GTF2H2: variants seen among roughly 807,000 people sequenced by gnomAD.
The protein encoded by GTF2H2 is general transcription factor IIH subunit 2, also known as TFIIH basal transcription factor complex p44 subunit.
Under a neutral mutation model 16.5 loss-of-function variants are expected in GTF2H2, and 2 were observed. That is an observed-to-expected ratio of 0.12 (90% confidence interval 0.05 to 0.38). The LOEUF is 0.38. Among genes scored for constraint, GTF2H2 ranks in the 10% least tolerant of loss-of-function variants. The probability of loss-of-function intolerance (pLI) is 0.99; values close to 1 mark genes in which losing one functional copy is unlikely to be tolerated. For missense variants in GTF2H2, 20 were observed against 137.0 expected, an observed-to-expected ratio of 0.15 and a Z score of 4.26; for synonymous variants, 8 against 44.1, an observed-to-expected ratio of 0.18 and a Z score of 3.24.
chr5:71,052,192 GA>G (rs1332157077), intron 8 of GTF2H2, among the ~76,000 whole-genome samples: 1 of 141,892 alleles, frequency 7.0e-6, no homozygotes, highest in Non-Finnish European at 1.5e-5. Context: ...TTTTGAGACG[GA>G]GTCTCACAGT....
intron 8 of GTF2H2, among the ~76,000 whole-genome samples, chr5:71,052,170 T>G (rs1294702301): frequency 7.0e-6 from 1 of 143,022 alleles, no homozygotes; most frequent in Non-Finnish European, 1.5e-5. Flanking sequence ...TCTTGCACTT[T>G]TTTTTTCTTT....
At chr5:71,052,912 C>G in intron 8 of GTF2H2, among the ~76,000 whole-genome samples, 1 of 63,250 alleles carries the variant, frequency 1.6e-5, no homozygotes, top group African/African-American at 6.9e-5. Flanking sequence ...CTGTGCCTGG[C>G]TAATTTTTTT....
At chr5:71,054,760 T>A (rs1390691942) in intron 8 of GTF2H2, among the ~76,000 whole-genome samples, 4 of 135,816 alleles carry the variant, frequency 2.9e-5, no homozygotes, top group Admixed American at 1.5e-4. Context: ...TGTATATATA[T>A]AATAGATATA....
intron 7 of GTF2H2, chr5:71,057,917 T>C (rs2150200423): frequency 1.0e-5 from 1 of 96,980 alleles, no homozygotes; most frequent in Middle Eastern, 4.0e-3. Flanking sequence ...CTAACATCCA[T>C]AGAAAACTGC....
chr5:71,052,242 A>G lies in GTF2H2; in HGVS notation c.471-3084T>C, dbSNP rs1273157778. On this transcript the variant is annotated intron_variant, in intron 8 of 15. Coordinates refer to ENST00000274400, the Ensembl canonical transcript of GTF2H2. Reference sequence around the variant, plus strand: ...AAGTGCAATGGCGCGATCTCGGCTCACTGCAACCTCTGCCTCCTGGGTTCA... The same window carrying G: ...AAGTGCAATGGCGCGATCTCGGCTCGCTGCAACCTCTGCCTCCTGGGTTCA... Among the ~76,000 whole-genome samples, 74 of 136,872 alleles carry G rather than the reference A, an allele frequency of 5.4e-4. 1 individual carries two copies. Among genetic ancestry groups the G allele is most frequent in the African/African-American group, 2.0e-3 (68 of 34,404 alleles). The allele number at this position is 136,872 out of a possible 152,430, so 89.8% of individuals were successfully genotyped here.
At chr5:71,047,307 CAG>C (rs1752455818) in intron 11 of GTF2H2, 1 of 140,812 alleles carries the variant, frequency 7.1e-6, no homozygotes, top group Non-Finnish European at 1.6e-5. Flanking sequence ...TTAGTAGAGA[CAG>C]GGTTTCGCCA....
intron 15 of GTF2H2, among the ~76,000 whole-genome samples, chr5:71,036,044 G>A (rs1325443100): frequency 1.7e-5 from 1 of 60,498 alleles, no homozygotes; most frequent in Non-Finnish European, 3.0e-5. Context: ...ATTACAGTTC[G>A]CTCTCAATCA....
rs546823061 is a variant in GTF2H2, at chr5:71,046,003, T to C, written c.758-496A>G. 1.3e-4 allele frequency among the ~76,000 whole-genome samples: 19 copies of C among 145,318 alleles called. No individual in the cohort carries two copies. In the East Asian group the frequency reaches 2.6e-3, roughly 20 times the overall value. On this transcript the variant is annotated intron_variant, in intron 11 of 15. Transcript: ENST00000274400. ...ATTTCTGATAAAACTGAAGATATCA[T>C]AGTACACCATTTTATCTACGTTTAT...
At chr5:71,044,308 G>A (rs1752179188) in intron 12 of GTF2H2, among the ~76,000 whole-genome samples, 3 of 37,278 alleles carry the variant, frequency 8.0e-5, no homozygotes, top group South Asian at 1.7e-3. Flanking sequence ...GCTGATCAAC[G>A]CTCAGCTGCT....
intron 14 of GTF2H2, among the ~76,000 whole-genome samples, chr5:71,039,711 G>T: frequency 7.7e-6 from 1 of 129,542 alleles, no homozygotes; most frequent in Non-Finnish European, 1.6e-5. Flanking sequence ...TATAGTACTG[G>T]GTTTTTCATT....
At chr5:71,052,915 A>ATTTTTTTT (rs1241503525) in intron 8 of GTF2H2, among the ~76,000 whole-genome samples, 10 of 44,052 alleles carry the variant, frequency 2.3e-4, no homozygotes, top group Non-Finnish European at 3.3e-4. Flanking sequence ...TGCCTGGCTA[A>ATTTTTTTT]TTTTTTTTTT....
intron 8 of GTF2H2, 51 bp downstream of exon 8, chr5:71,055,301 A>G (rs766186177): frequency 9.3e-6 from 14 of 1,513,486 alleles, no homozygotes; most frequent in Non-Finnish European, 1.3e-5. Flanking sequence ...ACTTCAGCTT[A>G]ACTCATTTAA....
chr5:71,061,430 C>T (rs1753625325), intron 3 of GTF2H2, 122 bp from the exon 4 acceptor site: 6 of 772,172 alleles, frequency 7.8e-6, no homozygotes, highest in Admixed American at 3.3e-5. Context: ...GTAAGAATGT[C>T]ATAACGTGCA....
In GTF2H2 at chr5:71,047,979, ATT is replaced by A; in HGVS notation, c.757+25_757+26del. On this transcript the variant is annotated intron_variant, in intron 11 of 15. Coordinates refer to ENST00000274400, the Ensembl canonical transcript of GTF2H2. ...ATGAAAATGGAGAGCCTAGATATGT[ATT>A]TTTTAAAAACATAAAAACACTTACC... The A allele has an allele frequency of 2.3e-6, 2 of 863,856 alleles. 1 individual carries two copies. Among genetic ancestry groups the A allele is most frequent in the Non-Finnish European group, 3.1e-6 (2 of 652,222 alleles). 53.5% of individuals were successfully genotyped at this position (863,856 alleles called of 1,614,324 possible).
At chr5:71,055,099 C>T in intron 8 of GTF2H2, 1 of 291,564 alleles carries the variant, frequency 3.4e-6, no homozygotes, top group East Asian at 6.5e-5. Flanking sequence ...TTTTCATCAA[C>T]ATATTTTTGT....
At chr5:71,044,098 G>A (rs1341213488) in intron 12 of GTF2H2, among the ~76,000 whole-genome samples, 1 of 138,180 alleles carries the variant, frequency 7.2e-6, no homozygotes, top group African/African-American at 2.8e-5. Flanking sequence ...TTTTCTTTTT[G>A]CCTCTGGTTC....
At chr5:71,051,080 C>A (rs1752672099) in intron 8 of GTF2H2, among the ~76,000 whole-genome samples, 1 of 143,730 alleles carries the variant, frequency 7.0e-6, no homozygotes, top group East Asian at 2.0e-4. Context: ...CTCCTGACCT[C>A]AAGTGATCCA....
intron 11 of GTF2H2, among the ~76,000 whole-genome samples, chr5:71,046,043 A>T (rs1482993549): frequency 7.0e-6 from 1 of 143,090 alleles, no homozygotes; most frequent in Non-Finnish European, 1.5e-5. Context: ...TTATGTTTAA[A>T]ATTTTGAAAT....
In GTF2H2 at chr5:71,051,876, T is replaced by TCTA. The variant is rs1752741604; in HGVS notation, c.471-2721_471-2719dup. On this transcript the variant is annotated intron_variant, in intron 8 of 15. Transcript: ENST00000274400. ...CTGGGCAATGTGGCGAAACCCTACCTCTACAACAACAACAACAACAAAAAT... is the reference window on the plus strand; with the variant it reads ...CTGGGCAATGTGGCGAAACCCTACCTCTACTACAACAACAACAACAACAAAAAT... Among the ~76,000 whole-genome samples the TCTA allele has an allele frequency of 1.6e-5, 2 of 125,006 alleles. 1 individual carries two copies. Among genetic ancestry groups the TCTA allele is most frequent in the African/African-American group, 6.4e-5 (2 of 31,348 alleles). The allele number at this position is 125,006 out of a possible 152,430, so 82.0% of individuals were successfully genotyped here.
Sources: gnomAD v4.1 joint callset for allele counts (sites outside exome capture counted in the v4.1 genomes callset) on GRCh38, gnomAD v4.1.1 for gene constraint, MANE v1.5 for transcripts, NCBI Gene and HGNC (gene_info 2026-07-23, HGNC 2026-07-21) for gene names.